CSMD1: variants seen among roughly 807,000 people sequenced by gnomAD.
The protein encoded by CSMD1 is CUB and Sushi multiple domains 1.
CSMD1 carries 213 observed loss-of-function variants against 417.5 expected under a neutral mutation model. The observed-to-expected ratio is 0.51, with a 90% CI of 0.46 to 0.57. The LOEUF (loss-of-function observed/expected upper bound fraction) is 0.57. Among genes scored for constraint, CSMD1 ranks in the 20% least tolerant of loss-of-function variants. The pLI is 0.00. For missense variants in CSMD1, 6,923 were observed against 4,529.7 expected (o/e 1.53, Z -15.17); for synonymous variants, 2,862 against 1,736.8 (o/e 1.65, Z -16.11).
intron 2 of CSMD1, among the ~76,000 whole-genome samples, chr8:4,425,542 T>C (rs565850670): frequency 6.6e-6 from 1 of 152,208 alleles, no homozygotes; most frequent in Non-Finnish European, 1.5e-5. Flanking sequence ...TATAAGGAGC[T>C]GGCAAGACTC....
At chr8:3,713,483 C>G (rs1801644602) in intron 6 of CSMD1, among the ~76,000 whole-genome samples, 1 of 152,156 alleles carries the variant, frequency 6.6e-6, no homozygotes, top group African/African-American at 2.4e-5. Context: ...AGCCTGCTCC[C>G]CTGTCCCTCC....
rs1810246954 is a variant in CSMD1 at position 3,932,845 on chromosome 8, A to AT, written c.818+65057dup. ...TATTTCTCTTTTTTATGCTATTGTT[A>AT]TTAGATTTCACTATTGTGTAAAGTT... On this transcript the variant is annotated intron_variant, in intron 5 of 69. Coordinates refer to ENST00000635120, the MANE Select transcript of CSMD1 (RefSeq NM_033225.6). Among the ~76,000 whole-genome samples, 4 of 150,466 alleles carry AT rather than the reference A, an allele frequency of 2.7e-5. 1 individual carries two copies. Among genetic ancestry groups the AT allele is most frequent in the Admixed American group, 1.3e-4 (2 of 15,122 alleles).
intron 3 of CSMD1, among the ~76,000 whole-genome samples, chr8:4,273,167 A>G (rs1376537429): frequency 1.3e-5 from 2 of 152,188 alleles, no homozygotes; most frequent in Admixed American, 6.6e-5. Context: ...TATCTTTTAA[A>G]AGAGATTTGG....
intron 2 of CSMD1, among the ~76,000 whole-genome samples, chr8:4,468,119 T>C (rs1039660900): frequency 6.6e-6 from 1 of 152,188 alleles, no homozygotes; most frequent in East Asian, 1.9e-4. Flanking sequence ...AAAATTCAGA[T>C]ATAACTTTTT....
At chr8:3,874,592 G>C (rs915747969) in intron 5 of CSMD1, among the ~76,000 whole-genome samples, 3 of 152,126 alleles carry the variant, frequency 2.0e-5, no homozygotes, top group Admixed American at 2.0e-4. Flanking sequence ...CTTCTTAAAA[G>C]CATCATTCAG....
At chr8:4,403,566 G>A (rs912768495) in intron 3 of CSMD1, among the ~76,000 whole-genome samples, 3 of 152,086 alleles carry the variant, frequency 2.0e-5, no homozygotes, top group Admixed American at 2.0e-4. Context: ...CTTCCTGAAA[G>A]GCTTGAGTTG....
At chr8:4,431,763 T>TA (rs751589720) in intron 2 of CSMD1, among the ~76,000 whole-genome samples, 2 of 152,190 alleles carry the variant, frequency 1.3e-5, no homozygotes, top group Non-Finnish European at 2.9e-5. Context: ...CAAACTTCAG[T>TA]AACCTGGCAT....
rs148863356 is a variant in CSMD1 at position 3,420,718 on chromosome 8, G to A, written c.1562-11113C>T. Among the ~76,000 whole-genome samples, 11 of 152,170 alleles carry A rather than the reference G, an allele frequency of 7.2e-5. No homozygotes were observed. The East Asian group carries it at 7.7e-4, about 11-fold the overall frequency. On this transcript the variant is annotated intron_variant, in intron 12 of 69. Transcript: ENST00000635120. ...TTTTGGGTCTTAATACCTTTGTCACGCTTGCAATGATTCCTTTTAGGCATA... is the reference window on the plus strand; with the variant it reads ...TTTTGGGTCTTAATACCTTTGTCACACTTGCAATGATTCCTTTTAGGCATA...
intron 5 of CSMD1, among the ~76,000 whole-genome samples, chr8:3,957,017 G>C (rs765841306): frequency 3.9e-5 from 6 of 152,034 alleles, no homozygotes; most frequent in Non-Finnish European, 8.8e-5. Context: ...CATGGAAGTA[G>C]AGAGTGACAG....
intron 3 of CSMD1, among the ~76,000 whole-genome samples, chr8:4,150,417 G>C (rs756963984): frequency 2.0e-5 from 3 of 152,146 alleles, no homozygotes; most frequent in African/African-American, 4.8e-5. Context: ...TCTTATCTTT[G>C]GATGGCAGGC....
chr8:4,191,149 C>T (rs554296151), intron 3 of CSMD1, among the ~76,000 whole-genome samples: 106 of 152,260 alleles, frequency 7.0e-4, no homozygotes, highest in Non-Finnish European at 1.3e-3. Flanking sequence ...GTAATCCCAG[C>T]ACTTTGGGAG....
At position 3,190,141 on chromosome 8, in the gene CSMD1, C is replaced by T. The variant is rs761080376; in HGVS notation, c.5195-26G>A. On this transcript the variant is annotated intron_variant, in intron 33 of 69. Coordinates refer to ENST00000635120, the MANE Select transcript of CSMD1 (RefSeq NM_033225.6). ...CTAGAAGCAAAGTACAGAACACAGC[C>T]GTCTGTATCTCCATCAGCAAGCCAG... The T allele has an allele frequency of 2.0e-5, 31 of 1,540,712 alleles. No individual in the cohort carries two copies. The South Asian group carries it at 3.3e-4, about 17-fold the overall frequency.
At chr8:4,737,895 A>G (rs562339338) in intron 1 of CSMD1, among the ~76,000 whole-genome samples, 17 of 152,338 alleles carry the variant, frequency 1.1e-4, no homozygotes, top group South Asian at 8.3e-4. Flanking sequence ...GATAATAAGG[A>G]AATTGATAGC....
intron 12 of CSMD1, among the ~76,000 whole-genome samples, chr8:3,437,658 A>C (rs1317557206): frequency 1.3e-5 from 2 of 152,358 alleles, no homozygotes; most frequent in Admixed American, 6.5e-5. Flanking sequence ...TTTATTATTA[A>C]CATTAATGTT....
At chr8:4,839,788 T>C (rs1276351264) in intron 1 of CSMD1, among the ~76,000 whole-genome samples, 1 of 152,136 alleles carries the variant, frequency 6.6e-6, no homozygotes, top group Non-Finnish European at 1.5e-5. Context: ...AAACAACAGA[T>C]TTAGACCTTT....
At chr8:3,149,576 C>T (rs1342874716) in intron 40 of CSMD1, among the ~76,000 whole-genome samples, 1 of 152,174 alleles carries the variant, frequency 6.6e-6, no homozygotes, top group Non-Finnish European at 1.5e-5. Context: ...CTCCCGGGTT[C>T]AAGCGATTCT....
intron 2 of CSMD1, among the ~76,000 whole-genome samples, chr8:4,484,928 G>T (rs534798817): frequency 5.3e-5 from 7 of 133,194 alleles, no homozygotes; most frequent in Non-Finnish European, 1.1e-4. Context: ...AGCCGAGATC[G>T]TGCCACTGCA....
intron 3 of CSMD1, among the ~76,000 whole-genome samples, chr8:4,081,314 C>G (rs1190613842): frequency 6.6e-6 from 1 of 152,184 alleles, no homozygotes; most frequent in East Asian, 1.9e-4. Flanking sequence ...ATGGTCCCCT[C>G]CCACGTTGAA....
At chr8:4,465,067 T>G (rs916823094) in intron 2 of CSMD1, among the ~76,000 whole-genome samples, 3 of 152,064 alleles carry the variant, frequency 2.0e-5, no homozygotes, top group Non-Finnish European at 4.4e-5. Flanking sequence ...CATTTCAGAC[T>G]CAGTTTACCT....
Sources: allele counts gnomAD v4.1 joint callset (sites outside exome capture counted in the v4.1 genomes callset), GRCh38; gene constraint gnomAD v4.1.1; transcripts MANE v1.5; gene names NCBI Gene and HGNC (gene_info 2026-07-23, HGNC 2026-07-21).